VAV2: variants seen among roughly 807,000 people sequenced by gnomAD.
VAV2 encodes guanine nucleotide exchange factor VAV2.
Under a neutral mutation model 132.5 loss-of-function variants are expected in VAV2, and 67 were observed. The observed-to-expected ratio is 0.51, with a 90% CI of 0.42 to 0.62. VAV2 has a LOEUF of 0.62. Among genes scored for constraint, VAV2 ranks in the 20% least tolerant of loss-of-function variants. The pLI, the probability that VAV2 is intolerant of heterozygous loss-of-function variation, is 0.00. For missense variants in VAV2, 938 were observed against 1,153.6 expected (o/e 0.81, Z 2.71); for synonymous variants, 492 against 443.5 (o/e 1.11, Z -1.37).
intron 4 of VAV2, among the ~76,000 whole-genome samples, chr9:133,825,655 G>A (rs1835958335): frequency 6.6e-6 from 1 of 152,156 alleles, no homozygotes; most frequent in African/African-American, 2.4e-5. Context: ...AACTTCCTCT[G>A]GGAGAGGTGG....
chr9:133,769,408 C>A lies in VAV2; in HGVS notation c.2434+9G>T. On this transcript the variant is annotated intron_variant, in intron 28 of 29. Transcript: ENST00000371850. The surrounding 1 kb of genome is among the most constrained non-coding windows in gnomAD (Gnocchi z 8.1). ...CCCGGTCCCCCCACGCCCTGGGGAG[C>A]AGCGGTACCTGACCAGAAGGGAGCG... 1 of 1,608,096 alleles carries A rather than the reference C, an allele frequency of 6.2e-7. No individual in the cohort carries two copies. The highest frequency in any genetic ancestry group is 2.2e-5 in the East Asian group (1 of 44,692).
intron 9 of VAV2, among the ~76,000 whole-genome samples, chr9:133,801,787 T>A (rs1015197466): frequency 6.6e-6 from 1 of 151,964 alleles, no homozygotes; most frequent in Non-Finnish European, 1.5e-5. Flanking sequence ...GGGGAGGCCA[T>A]GTGGAGATGG....
intron 4 of VAV2, among the ~76,000 whole-genome samples, chr9:133,831,737 C>A (rs1179872287): frequency 6.6e-6 from 1 of 152,218 alleles, no homozygotes; most frequent in East Asian, 1.9e-4. Context: ...AGAATCCCAA[C>A]CTCAGGCTGG....
chr9:133,789,675 G>A (rs897624238), intron 13 of VAV2, among the ~76,000 whole-genome samples: 6 of 152,216 alleles, frequency 3.9e-5, no homozygotes, highest in African/African-American at 1.2e-4. Flanking sequence ...AGCGGGACCC[G>A]GTCGGAAAAG....
At chr9:133,867,595 C>T (rs1230413003) in intron 2 of VAV2, among the ~76,000 whole-genome samples, 2 of 152,370 alleles carry the variant, frequency 1.3e-5, no homozygotes, top group East Asian at 3.9e-4. Flanking sequence ...TGGCCACCAC[C>T]TACAGACCCC....
intron 3 of VAV2, among the ~76,000 whole-genome samples, chr9:133,843,698 G>C (rs12005762): frequency 6.6e-6 from 1 of 152,304 alleles, no homozygotes; most frequent in South Asian, 2.1e-4. Context: ...CATGGTTTAG[G>C]GGCTGGAGCA....
intron 9 of VAV2, among the ~76,000 whole-genome samples, chr9:133,800,817 C>T (rs1834900270): frequency 6.6e-6 from 1 of 152,350 alleles, no homozygotes; most frequent in Middle Eastern, 3.4e-3. Context: ...CCCACATCAG[C>T]CACAGCACAG....
Position 133,928,795 on chromosome 9 carries a change from T to A in VAV2, c.321+10308A>T, listed in dbSNP as rs1840572885. On this transcript the variant is annotated intron_variant, in intron 2 of 29. Coordinates refer to ENST00000371850, the MANE Select transcript of VAV2 (RefSeq NM_001134398.2). The surrounding 1 kb of genome is among the most constrained non-coding windows in gnomAD (Gnocchi z 5.4). Reference sequence around the variant, plus strand: ...AATCAATGACATGGCTGAGACGGCATCTGGATACACTTGTCCAGCCCCAGA... The same window carrying A: ...AATCAATGACATGGCTGAGACGGCAACTGGATACACTTGTCCAGCCCCAGA... Among the ~76,000 whole-genome samples the A allele has an allele frequency of 6.6e-6, 1 of 152,092 alleles. No individual in the cohort carries two copies. Among genetic ancestry groups the A allele is most frequent in the Admixed American group, 6.5e-5 (1 of 15,280 alleles).
Position 133,938,328 on chromosome 9 carries a change from T to C in VAV2, c.321+775A>G, listed in dbSNP as rs137967823. On this transcript the variant is annotated intron_variant, in intron 2 of 29. Coordinates refer to ENST00000371850, the MANE Select transcript of VAV2 (RefSeq NM_001134398.2). ...CAGCCCCGAATCCATCAGGAAGCTA[T>C]TGAGACCCTGATCCCATCCATTTAA... is the stretch of plus-strand genomic sequence containing the variant. 6.7e-4 allele frequency among the ~76,000 whole-genome samples: 102 copies of C among 152,306 alleles called. 2 individuals are homozygous for C. The highest frequency in any genetic ancestry group is 2.2e-3 in the African/African-American group (90 of 41,572).
At chr9:133,792,009 ATGAGCTGTG>A in intron 12 of VAV2, 140 bp from the exon 13 acceptor site, 1 of 148,952 alleles carries the variant, frequency 6.7e-6, no homozygotes, top group Non-Finnish European at 1.1e-5. Flanking sequence ...CTGTGTGTGA[ATGAGCTGTG>A]CTGGGTGGGG....
At chr9:133,890,356 G>C (rs939719108) in intron 2 of VAV2, among the ~76,000 whole-genome samples, 2 of 152,214 alleles carry the variant, frequency 1.3e-5, no homozygotes, top group Non-Finnish European at 2.9e-5. Flanking sequence ...AGGAGGAATC[G>C]TGGCTGTGAG....
At chr9:133,789,927 A>G (rs1168339479) in intron 13 of VAV2, among the ~76,000 whole-genome samples, 1 of 152,222 alleles carries the variant, frequency 6.6e-6, no homozygotes, top group African/African-American at 2.4e-5. Flanking sequence ...AAGGTGGAGG[A>G]AAATGCTTCA....
chr9:133,763,792 C>G lies in VAV2; in HGVS notation c.*270G>C, dbSNP rs1399586160. On this transcript the variant is annotated 3_prime_UTR_variant, in exon 30 of 30. Transcript: ENST00000371850. The surrounding 1 kb of genome is among the most constrained non-coding windows in gnomAD (Gnocchi z 6.8). Reference sequence around the variant, plus strand: ...CCACTACCCAGAGCCTGGCTCGCAGCGCTGTCGGTGCCCCCTCCTCTGCGC... The same window carrying G: ...CCACTACCCAGAGCCTGGCTCGCAGGGCTGTCGGTGCCCCCTCCTCTGCGC... 2 of 483,540 alleles carry G rather than the reference C, an allele frequency of 4.1e-6. No homozygotes were observed. The highest frequency in any genetic ancestry group is 2.0e-5 in the African/African-American group (1 of 50,914). 30.0% of individuals were successfully genotyped at this position (483,540 alleles called of 1,614,324 possible).
intron 2 of VAV2, among the ~76,000 whole-genome samples, chr9:133,893,132 C>T (rs946073695): frequency 6.6e-6 from 1 of 152,206 alleles, no homozygotes; most frequent in Non-Finnish European, 1.5e-5. Context: ...TGGGCACTTA[C>T]CAGACAGCCT....
intron 1 of VAV2, among the ~76,000 whole-genome samples, chr9:133,939,974 G>A (rs1211596712): frequency 5.9e-5 from 9 of 152,264 alleles, no homozygotes; most frequent in East Asian, 1.9e-4. Flanking sequence ...CCACAGGGGC[G>A]GAAGGCTTGG....
At chr9:133,815,129 G>A (rs1481816432) in intron 4 of VAV2, among the ~76,000 whole-genome samples, 7 of 152,012 alleles carry the variant, frequency 4.6e-5, no homozygotes, top group African/African-American at 1.4e-4. Flanking sequence ...GATGAGACTC[G>A]AAGGATGCTT....
chr9:133,773,336 T>A (rs581622), intron 25 of VAV2, among the ~76,000 whole-genome samples: 1 of 151,842 alleles, frequency 6.6e-6, no homozygotes, highest in Non-Finnish European at 1.5e-5. Context: ...CTGTATGGGG[T>A]GCTTATCATG....
intron 2 of VAV2, among the ~76,000 whole-genome samples, chr9:133,887,947 A>G (rs1276098149): frequency 6.6e-6 from 1 of 152,152 alleles, no homozygotes. Context: ...GCGTCCACAG[A>G]AGGCAGCCAC....
At position 133,778,908 on chromosome 9, in the gene VAV2, C is replaced by T; in HGVS notation, c.1763-19G>A. The T allele has an allele frequency of 6.2e-7, 1 of 1,609,068 alleles. No individual in the cohort carries two copies. ...TTGGGACCTGCAAAGGATAGGACAGCTCACTCAGTGACTCAGCAGCTCACT... is the reference window on the plus strand; with the variant it reads ...TTGGGACCTGCAAAGGATAGGACAGTTCACTCAGTGACTCAGCAGCTCACT... On this transcript the variant is annotated intron_variant, in intron 21 of 29. Transcript: ENST00000371850.
Sources: allele counts gnomAD v4.1 joint callset (sites outside exome capture counted in the v4.1 genomes callset), GRCh38; gene constraint gnomAD v4.1.1; non-coding constraint Gnocchi (gnomAD v3.1); transcripts MANE v1.5; gene names NCBI Gene and HGNC (gene_info 2026-07-23, HGNC 2026-07-21).